LRRC27: variants seen among roughly 807,000 people sequenced by gnomAD.
LRRC27 encodes the protein leucine rich repeat containing 27.
Under a neutral mutation model 55.0 loss-of-function variants are expected in LRRC27, and 57 were observed. The observed-to-expected ratio is 1.04, with a 90% CI of 0.84 to 1.29. The LOEUF is 1.29. Among genes scored for constraint, LRRC27 ranks in the 50% most tolerant of loss-of-function variants. The probability of loss-of-function intolerance (pLI) is 0.00; values close to 1 mark genes in which losing one functional copy is unlikely to be tolerated. For synonymous variants in LRRC27, 278 were observed against 251.9 expected, an observed-to-expected ratio of 1.10 and a Z score of -0.98; for missense variants, 721 against 651.5, an observed-to-expected ratio of 1.11 and a Z score of -1.16.
upstream of LRRC27, chr10:132,330,261 CAAT>C: frequency 1.8e-6 from 1 of 568,542 alleles, no homozygotes; most frequent in East Asian, 2.9e-5. Flanking sequence ...CCTGAGGCAA[CAAT>C]AACAAGCAAG....
chr10:132,361,628 C>T (rs770497229), intron 9 of LRRC27, 53 bp downstream of exon 9: 26 of 1,270,618 alleles, frequency 2.0e-5, no homozygotes, highest in African/African-American at 7.4e-5. Context: ...CAGCCACCCA[C>T]GGGCAGGTGC....
chr10:132,340,391 G>A (rs2067353129), intron 3 of LRRC27, among the ~76,000 whole-genome samples: 1 of 152,184 alleles, frequency 6.6e-6, no homozygotes, highest in East Asian at 1.9e-4. Flanking sequence ...ACCGAACCCA[G>A]CCCCACCCAG....
At position 132,337,721 on chromosome 10, in the gene LRRC27, T is replaced by A. The variant is rs557525189; in HGVS notation, c.341+26T>A. ...GTAAGTTGTTTATGTTTCCAGATTT[T>A]AAAAATCATCTTTTCAGTGCACGAG... is the stretch of plus-strand genomic sequence containing the variant. On this transcript the variant is annotated intron_variant, in intron 3 of 10. Transcript: ENST00000368614. The A allele has an allele frequency of 3.0e-5, 48 of 1,610,600 alleles. 1 individual carries two copies. In the African/African-American group the frequency reaches 4.1e-4, roughly 14 times the overall value.
chr10:132,353,998 C>A (rs56678407), intron 7 of LRRC27, among the ~76,000 whole-genome samples: 19,324 of 152,246 alleles, frequency 0.13, 1,386 homozygotes, highest in East Asian at 0.35. Context: ...CCCTTGACTC[C>A]TCAGGTATCA....
intron 10 of LRRC27, among the ~76,000 whole-genome samples, chr10:132,368,904 T>A (rs2069155735): frequency 6.6e-6 from 1 of 151,912 alleles, no homozygotes; most frequent in Non-Finnish European, 1.5e-5. Flanking sequence ...ATACACCCGA[T>A]AAAGGAATGT....
intron 5 of LRRC27, among the ~76,000 whole-genome samples, chr10:132,347,238 C>T (rs1456992191): frequency 6.6e-6 from 1 of 152,246 alleles, no homozygotes; most frequent in Non-Finnish European, 1.5e-5. Context: ...CAAAAAGTCC[C>T]TCCAAAGTGG....
chr10:132,357,212 G>C (rs2068350140), intron 8 of LRRC27, among the ~76,000 whole-genome samples: 1 of 152,198 alleles, frequency 6.6e-6, no homozygotes, highest in African/African-American at 2.4e-5. Context: ...GGATAAACCA[G>C]GACTGCATCT....
chr10:132,361,554 C>CA lies in LRRC27; in HGVS notation c.1269dup (p.Gln424ThrfsTer4). ...ATGAAACCAAGCAAAGAGAAATCGC[C>CA]ACAAGCAAGTAAAGAAATGAGGTTG... On this transcript the variant is annotated frameshift_variant, in exon 9 of 11. Coordinates refer to ENST00000368614, the MANE Select transcript of LRRC27 (RefSeq NM_030626.3). LOFTEE classifies it high-confidence loss of function. 6.2e-7 allele frequency: 1 copy of CA among 1,613,458 alleles called. No individual in the cohort carries two copies. Among genetic ancestry groups the CA allele is most frequent in the Non-Finnish European group, 8.5e-7 (1 of 1,179,650 alleles).
In LRRC27 at chr10:132,375,233, A is replaced by C; in HGVS notation, c.1584A>C (p.Arg528Ser). The part of the protein sequence containing the change: ...TKYGESGNVR[R>S]YQ The stretch of plus-strand genomic sequence containing the variant: ...ATGGAGAATCAGGAAATGTTCGCAG[A>C]TACCAGTGACACCAGGTGGCTGGAC... The change falls in exon 11 of 11, where the codon AGA becomes AGC. Residue 528 changes from arginine to serine, a missense_variant. Arg to Ser is a moderately radical substitution (Grantham distance 110). Transcript: ENST00000368614. 1 of 1,612,684 alleles carries C rather than the reference A, an allele frequency of 6.2e-7. No homozygotes were observed. The highest frequency in any genetic ancestry group is 8.5e-7 in the Non-Finnish European group (1 of 1,179,118).
chr10:132,378,543 G>T lies in LRRC27; in HGVS notation c.*3301G>T, dbSNP rs2069368586. ...TGTGTATGTGCATATGTGAGTGTGT[G>T]TGGCTGTAACCTGCACGTCTCTTCT... On this transcript the variant is annotated 3_prime_UTR_variant, in exon 11 of 11. Coordinates refer to ENST00000368614, the MANE Select transcript of LRRC27 (RefSeq NM_030626.3). 6.6e-6 allele frequency: 1 copy of T among 152,258 alleles called. No homozygotes were observed. Among genetic ancestry groups the T allele is most frequent in the African/African-American group, 2.4e-5 (1 of 41,430 alleles). 9.4% of individuals were successfully genotyped at this position (152,258 alleles called of 1,614,324 possible).
intron 3 of LRRC27, among the ~76,000 whole-genome samples, chr10:132,338,711 T>C (rs79680038): frequency 7.4e-6 from 1 of 134,328 alleles, no homozygotes; most frequent in Admixed American, 7.3e-5. Flanking sequence ...TCTTTCTTTC[T>C]TTTTTTTTTT....
At chr10:132,339,166 CAAG>C (rs1051629793) in intron 3 of LRRC27, among the ~76,000 whole-genome samples, 1 of 152,104 alleles carries the variant, frequency 6.6e-6, no homozygotes, top group Non-Finnish European at 1.5e-5. Flanking sequence ...TGTGGGGCCA[CAAG>C]AAGAAGAGGG....
At chr10:132,331,967 C>G (rs2066785677), upstream of LRRC27, 2 of 502,218 alleles carry the variant, frequency 4.0e-6, no homozygotes, top group Non-Finnish European at 6.8e-6. Flanking sequence ...GCACCACACC[C>G]CGCCCCCTCC....
Position 132,375,253 on chromosome 10 carries a change from C to T in LRRC27, c.*11C>T, listed in dbSNP as rs2069319226. The T allele has an allele frequency of 6.2e-7, 1 of 1,607,582 alleles. No individual in the cohort carries two copies. ...CGCAGATACCAGTGACACCAGGTGG[C>T]TGGACTGATGGAGACGTCTTCAGAC... is the stretch of plus-strand genomic sequence containing the variant. On this transcript the variant is annotated 3_prime_UTR_variant, in exon 11 of 11. Coordinates refer to ENST00000368614, the MANE Select transcript of LRRC27 (RefSeq NM_030626.3).
In LRRC27 at chr10:132,365,504, A is replaced by C. The variant is rs149211713; in HGVS notation, c.1370A>C (p.Gln457Pro). 1.0e-4 allele frequency: 161 copies of C among 1,613,704 alleles called. No individual in the cohort carries two copies. The African/African-American group carries it at 1.9e-3, about 19-fold the overall frequency. ...CGTGAGCAAAGAAGATTCCATGGCC[A>C]GGCCCCACTGGAGGAGATGAGGAAG... ...QMREQRRFHGQAPLEEMRKAA... is the reference protein window; with the variant it reads ...QMREQRRFHGPAPLEEMRKAA... The change falls in exon 10 of 11, where the codon CAG (glutamine) becomes CCG (proline). Residue 457 changes from glutamine to proline, a missense_variant. Transcript: ENST00000368614.
intron 10 of LRRC27, among the ~76,000 whole-genome samples, chr10:132,371,214 G>T (rs1357419479): frequency 6.6e-6 from 1 of 152,238 alleles, no homozygotes; most frequent in Non-Finnish European, 1.5e-5. Context: ...CGGTGGCATG[G>T]CGTGCGTCGG....
rs76314919 is a variant in LRRC27, at chr10:132,348,128, C to A, written c.698C>A (p.Pro233Gln). ...AVMKEKASFL[P>Q]PVEKPDLSEL... is the part of the protein sequence containing the mutation. ...ATGAAAGAGAAGGCCAGCTTTCTCC[C>A]ACCTGTGGAAAAGCCAGACCTGAGT... Residue 233 changes from proline to glutamine, a missense_variant, in exon 6 of 11, where the codon CCA becomes CAA. Transcript: ENST00000368614. This position sits in a 1 kb window ranked among gnomAD's most constrained non-coding sequence, Gnocchi z 4.2. The A allele has an allele frequency of 1.9e-6, 3 of 1,614,062 alleles. No homozygotes were observed. The Admixed American group carries it at 5.0e-5, about 27-fold the overall frequency.
chr10:132,350,730 A>T (rs1201380119), intron 6 of LRRC27: 1 of 152,348 alleles, frequency 6.6e-6, no homozygotes, highest in Non-Finnish European at 1.5e-5. Flanking sequence ...GTGGAATGGG[A>T]TGGGCCTTTC....
At chr10:132,369,039 T>G (rs1445424151) in intron 10 of LRRC27, among the ~76,000 whole-genome samples, 1 of 152,196 alleles carries the variant, frequency 6.6e-6, no homozygotes, top group Non-Finnish European at 1.5e-5. Context: ...CAGATCAGCA[T>G]GTGAAAAGAA....
Sources: gnomAD v4.1 joint callset for allele counts (sites outside exome capture counted in the v4.1 genomes callset) on GRCh38, gnomAD v4.1.1 for gene constraint, Gnocchi (gnomAD v3.1) non-coding constraint, MANE v1.5 for transcripts, NCBI Gene and HGNC (gene_info 2026-07-23, HGNC 2026-07-21) for gene names.